SNX9: variants seen among roughly 807,000 people sequenced by gnomAD.
The protein encoded by SNX9 is sorting nexin-9.
In SNX9, 44 loss-of-function variants were observed where a neutral mutation model predicts 89.4. The ratio of observed to expected loss-of-function variants is 0.49; its 90% CI spans 0.39 to 0.63. The LOEUF is 0.63. Ranked by LOEUF, SNX9 falls within the 30% of genes least tolerant of loss-of-function variation. The probability of loss-of-function intolerance (pLI) is 0.00; values close to 1 mark genes in which losing one functional copy is unlikely to be tolerated. For missense variants in SNX9, 578 were observed against 736.1 expected, an observed-to-expected ratio of 0.79 and a Z score of 2.49; for synonymous variants, 236 against 247.8, an observed-to-expected ratio of 0.95 and a Z score of 0.45.
rs1784110739 is a variant in SNX9, at chr6:157,944,924, GC to G, written c.*2087del. 1 of 152,208 alleles carries G rather than the reference GC, an allele frequency of 6.6e-6. No homozygotes were observed. Among genetic ancestry groups the G allele is most frequent in the Non-Finnish European group, 1.5e-5 (1 of 68,036 alleles). 9.4% of individuals were successfully genotyped at this position (152,208 alleles called of 1,614,324 possible). ...TGCCTGGAAGATTCTCCTTCAAGTG[GC>G]AACATGGCATATATATCCTTCTCCG... On this transcript the variant is annotated 3_prime_UTR_variant, in exon 18 of 18. Transcript: ENST00000392185.
rs183433843 is a variant in SNX9 at position 157,867,690 on chromosome 6, T to G, written c.99+57T>G. 50 of 1,386,060 alleles carry G rather than the reference T, an allele frequency of 3.6e-5. 1 individual carries two copies. The highest frequency in any genetic ancestry group is 4.5e-5 in the Non-Finnish European group (45 of 995,058). 85.9% of individuals were successfully genotyped at this position (1,386,060 alleles called of 1,614,324 possible). A position where few individuals can be genotyped will look rare whatever the true frequency, so the allele number is the denominator to read the frequency against. On this transcript the variant is annotated intron_variant, in intron 2 of 17. Transcript: ENST00000392185. Reference sequence around the variant, plus strand: ...CCCATGTGGACTTATTTTTAACAAATCCGGTAAGAGAACTGTACATTCGAG... The same window carrying G: ...CCCATGTGGACTTATTTTTAACAAAGCCGGTAAGAGAACTGTACATTCGAG...
intron 5 of SNX9, among the ~76,000 whole-genome samples, chr6:157,900,793 A>G (rs917829476): frequency 6.6e-6 from 1 of 152,222 alleles, no homozygotes; most frequent in African/African-American, 2.4e-5. Flanking sequence ...TCCATAACCT[A>G]TGATTAGCAA....
chr6:157,935,491 C>T (rs75122480), intron 13 of SNX9, among the ~76,000 whole-genome samples: 2,258 of 151,978 alleles, frequency 0.015, 57 homozygotes, highest in African/African-American at 0.051. Flanking sequence ...CCAGGGCACA[C>T]GACAAATTCA....
intron 2 of SNX9, among the ~76,000 whole-genome samples, chr6:157,869,450 A>G (rs1488470800): frequency 6.6e-6 from 1 of 151,884 alleles, no homozygotes; most frequent in East Asian, 1.9e-4. Context: ...ACTTCTCTGT[A>G]TTTCTCTGTA....
chr6:157,843,214 A>G (rs1781737556), intron 1 of SNX9, among the ~76,000 whole-genome samples: 1 of 152,152 alleles, frequency 6.6e-6, no homozygotes, highest in South Asian at 2.1e-4. Flanking sequence ...ATTGACGAAA[A>G]TGAAAATTGA....
At chr6:157,828,470 TGTTAA>T (rs1281667124) in intron 1 of SNX9, among the ~76,000 whole-genome samples, 6 of 152,288 alleles carry the variant, frequency 3.9e-5, no homozygotes, top group South Asian at 4.1e-4. Context: ...TGTTTTTAGA[TGTTAA>T]GTTTTTATGA....
intron 1 of SNX9, among the ~76,000 whole-genome samples, chr6:157,835,351 GT>G (rs1781562162): frequency 6.6e-6 from 1 of 150,884 alleles, no homozygotes; most frequent in South Asian, 2.1e-4. Flanking sequence ...TTCTATTAGA[GT>G]TCAATTACTA....
chr6:157,943,728 A>G lies in SNX9; in HGVS notation c.*890A>G, dbSNP rs1043864. The G allele has an allele frequency of 0.26, 39,229 of 152,294 alleles. 5,449 individuals carry two copies. Among genetic ancestry groups the G allele is most frequent in the African/African-American group, 0.35 (14,410 of 41,446 alleles). The allele number at this position is 152,294 out of a possible 1,614,324, so 9.4% of individuals were successfully genotyped here. A position where few individuals can be genotyped will look rare whatever the true frequency, so the allele number is the denominator to read the frequency against. ...AGGCCTGTGTTCGGGAGGGCCTGGG[A>G]GAAGGAGGGCACCCAGCACCCCGGC... On this transcript the variant is annotated 3_prime_UTR_variant, in exon 18 of 18. Coordinates refer to ENST00000392185, the MANE Select transcript of SNX9 (RefSeq NM_016224.5).
rs559903757 is a variant in SNX9 at position 157,894,813 on chromosome 6, C to T, written c.301-2014C>T. Among the ~76,000 whole-genome samples, 18 of 152,302 alleles carry T rather than the reference C, an allele frequency of 1.2e-4. 1 individual carries two copies. Among genetic ancestry groups the T allele is most frequent in the African/African-American group, 4.1e-4 (17 of 41,550 alleles). On this transcript the variant is annotated intron_variant, in intron 4 of 17. Transcript: ENST00000392185. ...CCATCGGTTCTAAATACACAGTCTC[C>T]TTAAGCCTAGCATTTTTTCTTCTGG...
intron 9 of SNX9, among the ~76,000 whole-genome samples, chr6:157,912,842 A>AG (rs1783379167): frequency 6.6e-6 from 1 of 152,228 alleles, no homozygotes; most frequent in Non-Finnish European, 1.5e-5. Flanking sequence ...TGAAAACCTT[A>AG]GTAAGGTTCA....
rs1784098298 is a variant in SNX9 at position 157,944,230 on chromosome 6, A to C, written c.*1392A>C. On this transcript the variant is annotated 3_prime_UTR_variant, in exon 18 of 18. Transcript: ENST00000392185. ...TGACCTAATAATTACGGGAAATGGA[A>C]AGTCTGGGCCAGCATCAATAAAATG... 1 of 152,610 alleles carries C rather than the reference A, an allele frequency of 6.6e-6. No individual in the cohort carries two copies. The highest frequency in any genetic ancestry group is 1.5e-5 in the Non-Finnish European group (1 of 68,038). 9.5% of individuals were successfully genotyped at this position (152,610 alleles called of 1,614,324 possible).
chr6:157,905,303 G>A (rs757771461), intron 6 of SNX9, among the ~76,000 whole-genome samples: 14 of 152,302 alleles, frequency 9.2e-5, no homozygotes, highest in South Asian at 4.1e-4. Context: ...GAAGCAATGC[G>A]ACTGGAACTT....
intron 4 of SNX9, among the ~76,000 whole-genome samples, chr6:157,880,660 T>C (rs952860773): frequency 5.3e-5 from 8 of 152,222 alleles, no homozygotes; most frequent in East Asian, 1.9e-4. Context: ...GCCACAGTTA[T>C]TGAGAGGCGT....
At chr6:157,835,931 T>A (rs1781573723) in intron 1 of SNX9, among the ~76,000 whole-genome samples, 1 of 152,156 alleles carries the variant, frequency 6.6e-6, no homozygotes, top group African/African-American at 2.4e-5. Context: ...CCTAGCCATT[T>A]ATTTTTTATT....
chr6:157,862,445 A>C (rs1782157835), intron 1 of SNX9, among the ~76,000 whole-genome samples: 1 of 152,350 alleles, frequency 6.6e-6, no homozygotes, highest in African/African-American at 2.4e-5. Flanking sequence ...GCAAAACTTC[A>C]CTTCTCGAGG....
chr6:157,823,530 G>T lies in SNX9; in HGVS notation c.12+84G>T. On this transcript the variant is annotated intron_variant, in intron 1 of 17. Coordinates refer to ENST00000392185, the MANE Select transcript of SNX9 (RefSeq NM_016224.5). This position sits in a 1 kb window ranked among gnomAD's most constrained non-coding sequence, Gnocchi z 4.6. ...GGTCGGGGCCGGGGCCGCGGGGAGG[G>T]TCGGGGCCAGGGGTGGTCGAGGGGC... 1.8e-6 allele frequency: 2 copies of T among 1,114,490 alleles called. No individual in the cohort carries two copies. Among genetic ancestry groups the T allele is most frequent in the Non-Finnish European group, 2.2e-6 (2 of 902,158 alleles). 69.0% of individuals were successfully genotyped at this position (1,114,490 alleles called of 1,614,324 possible).
chr6:157,859,224 A>G (rs1782071091), intron 1 of SNX9, among the ~76,000 whole-genome samples: 1 of 152,222 alleles, frequency 6.6e-6, no homozygotes, highest in African/African-American at 2.4e-5. Flanking sequence ...CACTTGTGTT[A>G]TCACTGAGTT....
intron 5 of SNX9, among the ~76,000 whole-genome samples, chr6:157,899,326 G>A (rs952499491): frequency 8.6e-5 from 13 of 151,428 alleles, no homozygotes; most frequent in Admixed American, 2.0e-4. Context: ...CGTCCCTTTC[G>A]TCCTCCCCAA....
chr6:157,905,302 C>A (rs183437009), intron 6 of SNX9, among the ~76,000 whole-genome samples: 1 of 152,292 alleles, frequency 6.6e-6, no homozygotes, highest in East Asian at 1.9e-4. Flanking sequence ...AGAAGCAATG[C>A]GACTGGAACT....
Sources: gnomAD v4.1 joint callset for allele counts (sites outside exome capture counted in the v4.1 genomes callset) on GRCh38, gnomAD v4.1.1 for gene constraint, Gnocchi (gnomAD v3.1) non-coding constraint, MANE v1.5 for transcripts, NCBI Gene and HGNC (gene_info 2026-07-23, HGNC 2026-07-21) for gene names.